Variants in ZNF831 observed in about 807,000 individuals in gnomAD.
ZNF831 encodes the protein zinc finger protein 831, also known as chromosome 20 open reading frame 174.
A neutral mutation model predicts 95.8 loss-of-function variants in ZNF831; 59 were observed. The observed-to-expected ratio is 0.62, with a 90% CI of 0.50 to 0.77. The LOEUF is 0.77. Ranked by LOEUF, ZNF831 falls within the 30% of genes least tolerant of loss-of-function variation. ZNF831 has a pLI of 0.00. For synonymous variants in ZNF831, 961 were observed against 925.5 expected, an observed-to-expected ratio of 1.04 and a Z score of -0.70; for missense variants, 2,205 against 2,164.0, an observed-to-expected ratio of 1.02 and a Z score of -0.38.
intron 1 of ZNF831, among the ~76,000 whole-genome samples, chr20:59,139,687 G>A (rs553462225): frequency 2.0e-5 from 3 of 152,302 alleles, no homozygotes; most frequent in South Asian, 2.1e-4. Flanking sequence ...AGTCAAATAT[G>A]TTTAGTGACA....
At chr20:59,190,835 AC>A in intron 1 of ZNF831, 148 bp from the exon 2 acceptor site, 1 of 622,956 alleles carries the variant, frequency 1.6e-6, no homozygotes, top group South Asian at 5.9e-5. Context: ...GGATGAGAGT[AC>A]CTTCCTCTCG....
chr20:59,148,245 T>G (rs1316737419), intron 2 of ZNF831, among the ~76,000 whole-genome samples: 1 of 152,056 alleles, frequency 6.6e-6, no homozygotes, highest in Non-Finnish European at 1.5e-5. Context: ...CTGGGAGGGT[T>G]TCCATGATGG....
intron 2 of ZNF831, among the ~76,000 whole-genome samples, chr20:59,155,906 C>T (rs993156893): frequency 1.3e-5 from 2 of 151,968 alleles, no homozygotes; most frequent in African/African-American, 2.4e-5. Flanking sequence ...GTAGGGTCCA[C>T]CCAAAGGTAC....
At position 59,193,074 on chromosome 20, in the gene ZNF831, C is replaced by T. The variant is rs372130636; in HGVS notation, c.2055C>T (p.Ser685=). Residue 685 remains serine (S), a synonymous_variant, in exon 2 of 6, where the codon TCC becomes TCT. Transcript: ENST00000371030. ...GGACCCCTGTCCATGAGGACATATC[C>T]GCAGGGGCAACGCCAGAGCCTTGGG... ...DRRTPVHEDI[S]AGATPEPWGN... The T allele has an allele frequency of 1.0e-4, 164 of 1,593,270 alleles. No individual in the cohort carries two copies. The African/African-American group carries it at 1.9e-3, about 19-fold the overall frequency.
At chr20:59,124,688 C>G (rs1979112833) in intron 1 of ZNF831, among the ~76,000 whole-genome samples, 1 of 152,212 alleles carries the variant, frequency 6.6e-6, no homozygotes, top group Non-Finnish European at 1.5e-5. Flanking sequence ...AGTCAGAAAA[C>G]AGGGGTGCTT....
Position 59,194,328 on chromosome 20 carries a change from G to A in ZNF831, c.3309G>A (p.Leu1103=), listed in dbSNP as rs758689982. The A allele has an allele frequency of 3.1e-6, 5 of 1,613,520 alleles. 1 individual carries two copies. In the South Asian group the frequency reaches 4.4e-5, roughly 14 times the overall value. The change falls in exon 2 of 6, where the codon CTG becomes CTA. Residue 1103 remains leucine, a synonymous_variant. Coordinates refer to ENST00000371030, the MANE Select transcript of ZNF831 (RefSeq NM_178457.3). ...VLNPWVPNWE[L]GEPPGNAPED... is the part of the protein sequence containing the mutation. ...ATCCCTGGGTACCCAACTGGGAGCT[G>A]GGGGAGCCTCCTGGGAATGCCCCAG...
intron 2 of ZNF831, among the ~76,000 whole-genome samples, chr20:59,151,281 C>T (rs1031098416): frequency 6.6e-6 from 1 of 152,162 alleles, no homozygotes; most frequent in African/African-American, 2.4e-5. Flanking sequence ...CCTGGGATAA[C>T]CCTTCCTGAG....
At chr20:59,207,597 G>C (rs1325981259) in intron 4 of ZNF831, among the ~76,000 whole-genome samples, 1 of 152,198 alleles carries the variant, frequency 6.6e-6, no homozygotes, top group African/African-American at 2.4e-5. Flanking sequence ...AAGTGGGGCT[G>C]CTTCCTGGAA....
rs2146580106 is a variant in ZNF831, at chr20:59,193,270, C to T, written c.2251C>T (p.Pro751Ser). 1 of 1,609,182 alleles carries T rather than the reference C, an allele frequency of 6.2e-7. No homozygotes were observed. The highest frequency in any genetic ancestry group is 8.5e-7 in the Non-Finnish European group (1 of 1,177,872). Residue 751 changes from proline (P) to serine (S), a missense_variant, in exon 2 of 6, where the codon CCA becomes TCA. Transcript: ENST00000371030. ...CSGSRSPLVS[P>S]NGRLELGWQM... ...AGGCAGTAGGAGCCCCCTGGTCTCT[C>T]CAAATGGGAGGCTGGAACTGGGGTG...
chr20:59,204,741 A>G (rs1464577298), intron 3 of ZNF831, among the ~76,000 whole-genome samples: 3 of 152,134 alleles, frequency 2.0e-5, no homozygotes, highest in African/African-American at 7.2e-5. Flanking sequence ...GCGGAGGTGC[A>G]GCCTGACGAA....
rs577320833 is a variant in ZNF831 at position 59,222,356 on chromosome 20, G to A, written c.4027+15300G>A. 6.6e-5 allele frequency among the ~76,000 whole-genome samples: 10 copies of A among 152,194 alleles called. No individual in the cohort carries two copies. The South Asian group carries it at 2.1e-3, about 32-fold the overall frequency. On this transcript the variant is annotated intron_variant, in intron 4 of 5. Coordinates refer to ENST00000371030, the MANE Select transcript of ZNF831 (RefSeq NM_178457.3). ...GACCCCCCTACCCTGGTGGGTGGGC[G>A]CCCGGGGGCCTGGAGAGCCGCCTAG...
Position 59,194,528 on chromosome 20 carries a change from C to T in ZNF831, c.3509C>T (p.Thr1170Ile), listed in dbSNP as rs1983929465. 6.2e-7 allele frequency: 1 copy of T among 1,607,140 alleles called. No homozygotes were observed. Among genetic ancestry groups the T allele is most frequent in the African/African-American group, 1.3e-5 (1 of 74,832 alleles). ...RSHSTRSPHS[T>I]QNPFPSLKAE... ...CACAGCACCCGCAGTCCCCACAGCA[C>T]CCAAAACCCCTTTCCCTCACTGAAG... Residue 1170 changes from threonine (T) to isoleucine (I), a missense_variant, in exon 2 of 6, where the codon ACC becomes ATC. Coordinates refer to ENST00000371030, the MANE Select transcript of ZNF831 (RefSeq NM_178457.3).
intron 3 of ZNF831, among the ~76,000 whole-genome samples, chr20:59,196,613 C>A (rs570856517): frequency 5.9e-5 from 9 of 152,294 alleles, no homozygotes; most frequent in Admixed American, 5.2e-4. Context: ...AATTCTCTAA[C>A]CCCTGCCCTC....
Position 59,169,076 on chromosome 20 carries a change from G to C in ZNF831, c.-37+4869G>C, listed in dbSNP as rs192206607. Among the ~76,000 whole-genome samples, 797 of 152,282 alleles carry C rather than the reference G, an allele frequency of 5.2e-3. 19 individuals are homozygous for C. The highest frequency in any genetic ancestry group is 0.043 in the Admixed American group (663 of 15,288). On this transcript the variant is annotated intron_variant, in intron 1 of 5. Transcript: ENST00000371030. This position sits in a 1 kb window ranked among gnomAD's most constrained non-coding sequence, Gnocchi z 4.1. ...TACCTAGGTGCTTAAAATTAACTGG[G>C]AAGTGTTATTTCCTTTTCTGTTTTC...
upstream of ZNF831, among the ~76,000 whole-genome samples, chr20:59,161,806 G>A (rs1980888195): frequency 6.6e-6 from 1 of 152,164 alleles, no homozygotes; most frequent in Non-Finnish European, 1.5e-5. Context: ...TCGAATGGTA[G>A]TTCTACTTTT....
chr20:59,254,286 C>A lies in ZNF831; in HGVS notation c.4577C>A (p.Ser1526Ter), dbSNP rs2146767265. The A allele has an allele frequency of 6.2e-7, 1 of 1,614,032 alleles. No homozygotes were observed. The highest frequency in any genetic ancestry group is 8.5e-7 in the Non-Finnish European group (1 of 1,179,942). ...CAGACTGCAGGGAGGACTCTGACAT[C>A]AAGCTCCCCAGACAGCAAAGTCACA... ...HSQTAGRTLT[S>*]SSPDSKVTEE... Residue 1526 changes from serine (S) to a stop codon, truncating the protein, a stop_gained, in exon 6 of 6, where the codon TCA (serine) becomes TAA (stop). Coordinates refer to ENST00000371030, the MANE Select transcript of ZNF831 (RefSeq NM_178457.3). LOFTEE classifies it low-confidence loss of function (END_TRUNC). This position sits in a 1 kb window ranked among gnomAD's most constrained non-coding sequence, Gnocchi z 4.5.
At chr20:59,174,193 G>A (rs1231475978) in intron 1 of ZNF831, among the ~76,000 whole-genome samples, 2 of 152,150 alleles carry the variant, frequency 1.3e-5, no homozygotes, top group South Asian at 2.1e-4. Context: ...GCCACTGTGT[G>A]TGGACTCCTG....
At chr20:59,224,173 G>A (rs888796156) in intron 4 of ZNF831, among the ~76,000 whole-genome samples, 3 of 152,228 alleles carry the variant, frequency 2.0e-5, no homozygotes, top group Non-Finnish European at 2.9e-5. Context: ...TGGCGGGTGG[G>A]GGGACTTCCT....
rs1568801369 is a variant in ZNF831, at chr20:59,254,407, T to C, written c.4698T>C (p.His1566=). 2 of 1,614,104 alleles carry C rather than the reference T, an allele frequency of 1.2e-6. No individual in the cohort carries two copies. Among genetic ancestry groups the C allele is most frequent in the East Asian group, 4.5e-5 (2 of 44,864 alleles). The change falls in exon 6 of 6, where the codon CAT becomes CAC. Residue 1566 remains histidine (H), a synonymous_variant. Coordinates refer to ENST00000371030, the MANE Select transcript of ZNF831 (RefSeq NM_178457.3). The surrounding 1 kb of genome is among the most constrained non-coding windows in gnomAD (Gnocchi z 4.5). ...CACTGGAGTCAACTGAAAAAACTCA[T>C]CTTGAAATACCAGCTTCAGGACCAA... The part of the protein sequence containing the change: ...SVPLESTEKT[H]LEIPASGPSS...
Sources: gnomAD v4.1 joint callset for allele counts (sites outside exome capture counted in the v4.1 genomes callset) on GRCh38, gnomAD v4.1.1 for gene constraint, Gnocchi (gnomAD v3.1) non-coding constraint, MANE v1.5 for transcripts, NCBI Gene and HGNC (gene_info 2026-07-23, HGNC 2026-07-21) for gene names.